COL6A5: variants seen among roughly 807,000 people sequenced by gnomAD.
COL6A5 encodes the protein collagen alpha-5(VI) chain.
Under a neutral mutation model 65.6 loss-of-function variants are expected in COL6A5, and 48 were observed. The ratio of observed to expected loss-of-function variants is 0.73; its 90% CI spans 0.58 to 0.93. COL6A5 has a LOEUF of 0.93. Among genes scored for constraint, COL6A5 ranks in the 40% least tolerant of loss-of-function variants. The pLI is 0.00. For missense variants in COL6A5, 914 were observed against 928.3 expected, an observed-to-expected ratio of 0.98 and a Z score of 0.20; for synonymous variants, 291 against 322.8, an observed-to-expected ratio of 0.90 and a Z score of 1.05.
At chr3:130,359,327 T>G (rs1935027767) in intron 1 of COL6A5, among the ~76,000 whole-genome samples, 1 of 152,150 alleles carries the variant, frequency 6.6e-6, no homozygotes, top group Admixed American at 6.5e-5. Flanking sequence ...TAATAAAGTT[T>G]TGTTGGAGCA....
At chr3:130,415,047 C>T (rs1490107520) in intron 22 of COL6A5, among the ~76,000 whole-genome samples, 1 of 152,052 alleles carries the variant, frequency 6.6e-6, no homozygotes, top group Non-Finnish European at 1.5e-5. Context: ...GACACTGAGA[C>T]AGTGAATCAA....
chr3:130,453,669 T>C (rs1036346298), intron 4 of COL6A5, among the ~76,000 whole-genome samples: 1 of 152,198 alleles, frequency 6.6e-6, no homozygotes, highest in Non-Finnish European at 1.5e-5. Flanking sequence ...GTGGCCCATC[T>C]TGGTTGCTTT....
At chr3:130,383,148 T>G (rs1936065415) in intron 4 of COL6A5, among the ~76,000 whole-genome samples, 1 of 152,120 alleles carries the variant, frequency 6.6e-6, no homozygotes, top group African/African-American at 2.4e-5. Context: ...ACACATTCTT[T>G]GGCAGTGTTT....
intron 29 of COL6A5, among the ~76,000 whole-genome samples, chr3:130,424,548 A>C (rs969131454): frequency 6.6e-6 from 1 of 151,932 alleles, no homozygotes; most frequent in African/African-American, 2.4e-5. Flanking sequence ...TGTGGTGGAG[A>C]CCCAGGCAGC....
intron 5 of COL6A5, among the ~76,000 whole-genome samples, chr3:130,457,089 A>G (rs1030730091): frequency 6.6e-6 from 1 of 152,062 alleles, no homozygotes; most frequent in African/African-American, 2.4e-5. Flanking sequence ...TCATGTAGAC[A>G]TAGCCTGAAG....
chr3:130,463,949 A>T (rs77969150), intron 5 of COL6A5, among the ~76,000 whole-genome samples: 1,889 of 152,148 alleles, frequency 0.012, 48 homozygotes, highest in African/African-American at 0.044. Flanking sequence ...TTGTAGATGA[A>T]ATATACCTCT....
intron 7 of COL6A5, among the ~76,000 whole-genome samples, chr3:130,473,830 G>A (rs1398233669): frequency 1.3e-5 from 2 of 152,086 alleles, no homozygotes; most frequent in Non-Finnish European, 2.9e-5. Flanking sequence ...GAAGGGTGGT[G>A]GAAGCTCAGG....
upstream of COL6A5, among the ~76,000 whole-genome samples, chr3:130,429,781 C>T (rs1012752611): frequency 2.6e-5 from 4 of 152,160 alleles, no homozygotes; most frequent in Admixed American, 1.3e-4. Flanking sequence ...AATCCCAGCC[C>T]CTAGCCTGGG....
intron 25 of COL6A5, among the ~76,000 whole-genome samples, chr3:130,419,972 T>C (rs562123782): frequency 1.3e-5 from 2 of 152,126 alleles, no homozygotes; most frequent in Non-Finnish European, 2.9e-5. Flanking sequence ...ACAGCAAGTT[T>C]CTGACTTATG....
chr3:130,403,692 T>G (rs1936890008), intron 13 of COL6A5, 30 bp downstream of exon 13: 3 of 1,502,734 alleles, frequency 2.0e-6, no homozygotes, highest in Admixed American at 4.0e-5. Flanking sequence ...CCTCACCCCC[T>G]GTTGCACACA....
At chr3:130,474,204 A>G (rs546472861) in intron 7 of COL6A5, among the ~76,000 whole-genome samples, 1 of 152,042 alleles carries the variant, frequency 6.6e-6, no homozygotes, top group Non-Finnish European at 1.5e-5. Context: ...CCCTTCCCTA[A>G]ACTGTACATG....
intron 1 of COL6A5, among the ~76,000 whole-genome samples, chr3:130,372,890 T>G (rs927167341): frequency 6.6e-6 from 1 of 152,192 alleles, no homozygotes; most frequent in Non-Finnish European, 1.5e-5. Context: ...GGAGATCTAT[T>G]TTTTGAGTAT....
At chr3:130,388,664 T>C in exon 6 of COL6A5, 1 of 1,551,054 alleles carries the variant, frequency 6.4e-7, no homozygotes, top group African/African-American at 1.4e-5. Context: ...AAAATGAAAA[T>C]CTTCATGAAA....
intron 3 of COL6A5, among the ~76,000 whole-genome samples, chr3:130,443,168 AT>A (rs1333928742): frequency 1.3e-5 from 2 of 152,162 alleles, no homozygotes; most frequent in African/African-American, 2.4e-5. Context: ...AGAATAGAGT[AT>A]CTCTTAGATT....
intron 4 of COL6A5, among the ~76,000 whole-genome samples, chr3:130,444,290 C>A (rs1327869772): frequency 6.6e-6 from 1 of 152,018 alleles, no homozygotes; most frequent in Non-Finnish European, 1.5e-5. Context: ...AGGTGACATA[C>A]ATCCTCCTCA....
intron 1 of COL6A5, among the ~76,000 whole-genome samples, chr3:130,362,604 T>C (rs999156131): frequency 6.6e-6 from 1 of 152,096 alleles, no homozygotes; most frequent in Non-Finnish European, 1.5e-5. Flanking sequence ...AAAATTGTAT[T>C]GTTTATTCTG....
At chr3:130,428,272 TG>T (rs1483200509), upstream of COL6A5, among the ~76,000 whole-genome samples, 1 of 152,188 alleles carries the variant, frequency 6.6e-6, no homozygotes, top group Non-Finnish European at 1.5e-5. Flanking sequence ...CCGTTAGAGC[TG>T]ATCTAAATGG....
intron 3 of COL6A5, among the ~76,000 whole-genome samples, chr3:130,441,986 A>G (rs1372139515): frequency 6.6e-6 from 1 of 152,134 alleles, no homozygotes; most frequent in African/African-American, 2.4e-5. Context: ...TCACCCCACA[A>G]CACCACAGTG....
intron 3 of COL6A5, among the ~76,000 whole-genome samples, chr3:130,377,671 G>A (rs1194555230): frequency 6.6e-6 from 1 of 152,180 alleles, no homozygotes; most frequent in East Asian, 1.9e-4. Context: ...GAAGGTCTGA[G>A]TTCAAACCCT....
Sources: gnomAD v4.1 joint callset for allele counts (sites outside exome capture counted in the v4.1 genomes callset) on GRCh38, gnomAD v4.1.1 for gene constraint, MANE v1.5 for transcripts, NCBI Gene and HGNC (gene_info 2026-07-23, HGNC 2026-07-21) for gene names.